The following AFG2A variants were observed in gnomAD, a reference collection of about 807,000 sequenced individuals.
AFG2A encodes the protein ATPase family gene 2 protein homolog A.
At chr4:123,255,485 A>G in the AFG2A span, among the ~76,000 whole-genome samples, 2 of 138,404 alleles carry the variant, frequency 1.4e-5, no homozygotes, top group Admixed American at 1.6e-4. Context: ...GCAGAGTGAG[A>G]CTCTGTCTCA....
the AFG2A span, among the ~76,000 whole-genome samples, chr4:123,196,301 G>C: frequency 6.7e-6 from 1 of 150,150 alleles, no homozygotes; most frequent in Non-Finnish European, 1.5e-5. Flanking sequence ...GAGCCACCGC[G>C]CCCGGCCACA....
the AFG2A span, among the ~76,000 whole-genome samples, chr4:123,312,371 A>T: frequency 6.6e-6 from 1 of 152,118 alleles, no homozygotes; most frequent in Non-Finnish European, 1.5e-5. Context: ...GATTCTTCAG[A>T]CTTCTTAGCC....
chr4:123,115,539 G>A, the AFG2A span, among the ~76,000 whole-genome samples: 3 of 152,086 alleles, frequency 2.0e-5, no homozygotes, highest in East Asian at 3.9e-4. Flanking sequence ...AGCACCCCTG[G>A]GTCCAACTCT....
chr4:123,006,661 T>C, the AFG2A span, among the ~76,000 whole-genome samples: 3 of 152,298 alleles, frequency 2.0e-5, no homozygotes, highest in South Asian at 6.2e-4. Flanking sequence ...CCTTTTAATA[T>C]TGTGGACATT....
chr4:123,296,417 A>C, the AFG2A span, among the ~76,000 whole-genome samples: 1 of 152,230 alleles, frequency 6.6e-6, no homozygotes, highest in Admixed American at 6.5e-5. Context: ...TGTCACACCT[A>C]TTCTGATCCC....
the AFG2A span, among the ~76,000 whole-genome samples, chr4:122,959,409 A>G: frequency 6.6e-6 from 1 of 152,372 alleles, no homozygotes; most frequent in East Asian, 1.9e-4. Context: ...AAAAGTCACA[A>G]GTAAAACAGT....
the AFG2A span, among the ~76,000 whole-genome samples, chr4:122,957,313 T>C: frequency 9.2e-5 from 14 of 152,320 alleles, no homozygotes; most frequent in Non-Finnish European, 1.9e-4. Context: ...CAGACTAATG[T>C]TGGTTGTGAA....
the AFG2A span, among the ~76,000 whole-genome samples, chr4:123,088,716 GCTCTCT>G: frequency 6.6e-6 from 1 of 151,036 alleles, no homozygotes. Context: ...CCCCCTTCGT[GCTCTCT>G]CTCTCTCTCC....
chr4:123,222,433 A>G, the AFG2A span, among the ~76,000 whole-genome samples: 1 of 152,310 alleles, frequency 6.6e-6, no homozygotes, highest in Admixed American at 6.5e-5. Context: ...TGTACTTCTT[A>G]GCAAATCCTA....
chr4:123,153,340 A>T, the AFG2A span, among the ~76,000 whole-genome samples: 1 of 152,212 alleles, frequency 6.6e-6, no homozygotes, highest in Non-Finnish European at 1.5e-5. Context: ...AATTTATACT[A>T]TGTCACTTTG....
the AFG2A span, among the ~76,000 whole-genome samples, chr4:123,163,199 G>A: frequency 6.6e-6 from 1 of 152,186 alleles, no homozygotes; most frequent in African/African-American, 2.4e-5. Flanking sequence ...ACTTTGGGAG[G>A]CCGAGGCGGG....
the AFG2A span, among the ~76,000 whole-genome samples, chr4:122,927,113 T>C: frequency 2.0e-5 from 3 of 152,194 alleles, no homozygotes; most frequent in East Asian, 3.8e-4. Context: ...CAGCCAAAAG[T>C]TGAAATCACT....
At chr4:123,168,242 T>C in the AFG2A span, among the ~76,000 whole-genome samples, 5 of 152,162 alleles carry the variant, frequency 3.3e-5, no homozygotes, top group Non-Finnish European at 7.3e-5. Flanking sequence ...TCCTTCCTCC[T>C]GACTGTGCCC....
chr4:123,005,019 T>G, the AFG2A span, among the ~76,000 whole-genome samples: 1 of 152,236 alleles, frequency 6.6e-6, no homozygotes, highest in Non-Finnish European at 1.5e-5. Context: ...TAGTATTTCC[T>G]TATATTTTTA....
the AFG2A span, among the ~76,000 whole-genome samples, chr4:123,053,573 G>A: frequency 6.6e-6 from 1 of 152,214 alleles, no homozygotes; most frequent in African/African-American, 2.4e-5. Flanking sequence ...TAACAGGGGG[G>A]TCTGGTACTG....
the AFG2A span, among the ~76,000 whole-genome samples, chr4:123,152,918 A>T: frequency 5.9e-5 from 9 of 152,244 alleles, no homozygotes; most frequent in African/African-American, 2.2e-4. Flanking sequence ...TTTCTTTAAC[A>T]GCGGTTATAA....
At chr4:122,984,353 T>G in the AFG2A span, among the ~76,000 whole-genome samples, 1 of 152,198 alleles carries the variant, frequency 6.6e-6, no homozygotes, top group Non-Finnish European at 1.5e-5. Context: ...GCTTTACTCC[T>G]AAGGAGGAGT....
chr4:123,124,691 T>A, the AFG2A span, among the ~76,000 whole-genome samples: 1 of 152,220 alleles, frequency 6.6e-6, no homozygotes, highest in South Asian at 2.1e-4. Flanking sequence ...ATACCTGACA[T>A]GTATTTCATT....
the AFG2A span, among the ~76,000 whole-genome samples, chr4:123,068,931 GT>G: frequency 5.3e-5 from 8 of 152,164 alleles, 1 homozygote; most frequent in South Asian, 1.7e-3. Flanking sequence ...CATCTTCATG[GT>G]AAAGAATCAT....
Sources: gnomAD v4.1 joint callset for allele counts (sites outside exome capture counted in the v4.1 genomes callset) on GRCh38, gnomAD v4.1.1 for gene constraint, MANE v1.5 for transcripts, NCBI Gene and HGNC (gene_info 2026-07-23, HGNC 2026-07-21) for gene names.